Variants in CAMK1D observed in about 807,000 individuals in gnomAD.
The protein encoded by CAMK1D is calcium/calmodulin dependent protein kinase ID.
In CAMK1D, 9 loss-of-function variants were observed where a neutral mutation model predicts 47.7. The observed-to-expected ratio is 0.19, with a 90% CI of 0.11 to 0.33. CAMK1D has a LOEUF of 0.33. Among genes scored for constraint, CAMK1D ranks in the 10% least tolerant of loss-of-function variants. The probability of loss-of-function intolerance (pLI) is 1.00; values close to 1 mark genes in which losing one functional copy is unlikely to be tolerated. For synonymous variants in CAMK1D, 184 were observed against 184.9 expected, an observed-to-expected ratio of 0.99 and a Z score of 0.04; for missense variants, 291 against 488.7, an observed-to-expected ratio of 0.60 and a Z score of 3.81.
intron 3 of CAMK1D, among the ~76,000 whole-genome samples, chr10:12,676,529 T>G (rs1371506305): frequency 6.6e-6 from 1 of 152,230 alleles, no homozygotes; most frequent in Non-Finnish European, 1.5e-5. Flanking sequence ...TTAACTGATA[T>G]GATCACCTGG....
At chr10:12,689,022 A>G (rs1832768211) in intron 3 of CAMK1D, among the ~76,000 whole-genome samples, 1 of 152,218 alleles carries the variant, frequency 6.6e-6, no homozygotes, top group Non-Finnish European at 1.5e-5. Flanking sequence ...CAGGCTTCTG[A>G]GGGAGAAAAT....
chr10:12,792,960 GCACACA>G (rs57459634), intron 6 of CAMK1D, among the ~76,000 whole-genome samples: 4,961 of 68,326 alleles, frequency 0.073, 281 homozygotes, highest in African/African-American at 0.22. Flanking sequence ...ATGTGTGCGC[GCACACA>G]CACACACACA....
chr10:12,668,386 T>C (rs1057345109), intron 3 of CAMK1D, among the ~76,000 whole-genome samples: 2 of 152,232 alleles, frequency 1.3e-5, no homozygotes, highest in African/African-American at 4.8e-5. Flanking sequence ...GCTATATGGA[T>C]CTACTTGTTT....
At chr10:12,470,780 G>A (rs1212132324) in intron 1 of CAMK1D, among the ~76,000 whole-genome samples, 1 of 152,214 alleles carries the variant, frequency 6.6e-6, no homozygotes, top group Non-Finnish European at 1.5e-5. Flanking sequence ...GGCTCCCAAA[G>A]TGCTGAGATT....
chr10:12,400,432 A>G (rs1339362933), intron 1 of CAMK1D, among the ~76,000 whole-genome samples: 1 of 152,206 alleles, frequency 6.6e-6, no homozygotes, highest in African/African-American at 2.4e-5. Flanking sequence ...TTATTTGACT[A>G]TAGCTTATAT....
At chr10:12,666,189 T>C (rs1840424213) in intron 2 of CAMK1D, among the ~76,000 whole-genome samples, 1 of 151,850 alleles carries the variant, frequency 6.6e-6, no homozygotes, top group South Asian at 2.1e-4. Context: ...TGGGGGGACA[T>C]GAACCCCAGT....
chr10:12,698,577 G>C (rs1193002862), intron 3 of CAMK1D, among the ~76,000 whole-genome samples: 1 of 151,716 alleles, frequency 6.6e-6, no homozygotes, highest in Non-Finnish European at 1.5e-5. Flanking sequence ...CAACCATTTA[G>C]TTCATCCCTA....
At chr10:12,757,299 A>C (rs984347532) in intron 3 of CAMK1D, among the ~76,000 whole-genome samples, 1 of 152,094 alleles carries the variant, frequency 6.6e-6, no homozygotes, top group Non-Finnish European at 1.5e-5. Flanking sequence ...ATTTATTGAT[A>C]TATTACTGTG....
At chr10:12,369,849 G>A (rs547588329) in intron 1 of CAMK1D, among the ~76,000 whole-genome samples, 105 of 151,466 alleles carry the variant, frequency 6.9e-4, no homozygotes, top group African/African-American at 2.3e-3. Flanking sequence ...CCAGCTACTC[G>A]GGAGGCTGAG....
At chr10:12,733,822 T>G (rs1835008384) in intron 3 of CAMK1D, among the ~76,000 whole-genome samples, 1 of 152,238 alleles carries the variant, frequency 6.6e-6, no homozygotes, top group African/African-American at 2.4e-5. Flanking sequence ...AAATGTTCAT[T>G]GTATTGTAAA....
At chr10:12,737,655 G>A (rs1006026824) in intron 3 of CAMK1D, among the ~76,000 whole-genome samples, 1 of 152,022 alleles carries the variant, frequency 6.6e-6, no homozygotes, top group African/African-American at 2.4e-5. Context: ...TTCTGTTCTT[G>A]GCATTGTGTA....
intron 1 of CAMK1D, among the ~76,000 whole-genome samples, chr10:12,424,910 C>G (rs1840174924): frequency 6.6e-6 from 1 of 152,224 alleles, no homozygotes; most frequent in African/African-American, 2.4e-5. Flanking sequence ...CATACGACAT[C>G]TGGTTTGTCT....
intron 1 of CAMK1D, among the ~76,000 whole-genome samples, chr10:12,529,673 C>T (rs1220059916): frequency 6.6e-6 from 1 of 152,214 alleles, no homozygotes; most frequent in Non-Finnish European, 1.5e-5. Flanking sequence ...TAGTCCCTTA[C>T]TCCATGTACG....
chr10:12,631,464 T>A (rs1028548886), intron 2 of CAMK1D, among the ~76,000 whole-genome samples: 4 of 152,146 alleles, frequency 2.6e-5, no homozygotes, highest in African/African-American at 7.2e-5. Context: ...CTTACCTAAT[T>A]AATAAAGTTT....
intron 5 of CAMK1D, among the ~76,000 whole-genome samples, chr10:12,780,594 C>T (rs545487708): frequency 6.6e-6 from 1 of 152,192 alleles, no homozygotes; most frequent in Non-Finnish European, 1.5e-5. Context: ...CGATTCTTTT[C>T]ATCTTTCCCC....
At chr10:12,820,630 AC>A (rs1832981192) in intron 8 of CAMK1D, among the ~76,000 whole-genome samples, 2 of 152,132 alleles carry the variant, frequency 1.3e-5, no homozygotes, top group South Asian at 4.1e-4. Context: ...CAGCAGGGCC[AC>A]CGAGGGCGAG....
intron 1 of CAMK1D, among the ~76,000 whole-genome samples, chr10:12,535,522 A>G (rs182739025): frequency 1.1e-3 from 167 of 152,310 alleles, no homozygotes; most frequent in African/African-American, 3.8e-3. Context: ...GCCAGGAGTT[A>G]AGTAAAGTTA....
At chr10:12,489,638 C>T (rs1834321008) in intron 1 of CAMK1D, among the ~76,000 whole-genome samples, 1 of 152,160 alleles carries the variant, frequency 6.6e-6, no homozygotes, top group African/African-American at 2.4e-5. Flanking sequence ...GCAGCTCGTT[C>T]CTAACCGGAG....
At chr10:12,460,325 A>G (rs1462617751) in intron 1 of CAMK1D, among the ~76,000 whole-genome samples, 1 of 149,176 alleles carries the variant, frequency 6.7e-6, no homozygotes, top group African/African-American at 2.5e-5. Flanking sequence ...CAGTGGTGTG[A>G]TCATATCTCC....
Sources: gnomAD v4.1 joint callset for allele counts (sites outside exome capture counted in the v4.1 genomes callset) on GRCh38, gnomAD v4.1.1 for gene constraint, MANE v1.5 for transcripts, NCBI Gene and HGNC (gene_info 2026-07-23, HGNC 2026-07-21) for gene names.